The following CDYL variants were observed in gnomAD, a reference collection of about 807,000 sequenced individuals.
The protein encoded by CDYL is chromodomain Y like.
In CDYL, 8 loss-of-function variants were observed where a neutral mutation model predicts 47.3. The ratio of observed to expected loss-of-function variants is 0.17; its 90% CI spans 0.10 to 0.31. The LOEUF (loss-of-function observed/expected upper bound fraction) is 0.31, where lower values mean the gene tolerates loss of function less well. Among genes scored for constraint, CDYL ranks in the 10% least tolerant of loss-of-function variants. The pLI, the probability that CDYL is intolerant of heterozygous loss-of-function variation, is 1.00. For missense variants in CDYL, 471 were observed against 701.4 expected (o/e 0.67, Z 3.71); for synonymous variants, 266 against 265.0 (o/e 1.00, Z -0.04).
At chr6:4,905,032 G>T (rs1019169785) in intron 2 of CDYL, among the ~76,000 whole-genome samples, 4 of 152,178 alleles carry the variant, frequency 2.6e-5, no homozygotes, top group African/African-American at 9.7e-5. Context: ...GGCGACCACT[G>T]CCCCAGACGG....
chr6:4,868,047 G>T (rs1207826576), intron 1 of CDYL, among the ~76,000 whole-genome samples: 1 of 151,678 alleles, frequency 6.6e-6, no homozygotes, highest in Non-Finnish European at 1.5e-5. Flanking sequence ...CAGTTTTGTT[G>T]AACCTTTCAC....
chr6:4,891,278 G>A (rs1762033364), intron 1 of CDYL, among the ~76,000 whole-genome samples: 1 of 152,200 alleles, frequency 6.6e-6, no homozygotes, highest in Non-Finnish European at 1.5e-5. Flanking sequence ...TCACACCACA[G>A]AAGGTTCTCA....
chr6:4,802,053 C>T (rs1759241506), intron 1 of CDYL, among the ~76,000 whole-genome samples: 1 of 152,170 alleles, frequency 6.6e-6, no homozygotes, highest in African/African-American at 2.4e-5. Flanking sequence ...ATTTTGATAT[C>T]TGGCACCTTT....
chr6:4,782,610 T>A (rs1184676736), intron 1 of CDYL, among the ~76,000 whole-genome samples: 1 of 152,206 alleles, frequency 6.6e-6, no homozygotes, highest in East Asian at 1.9e-4. Flanking sequence ...ATTATGAGTC[T>A]AGATATGACT....
chr6:4,717,703 C>CAAAA (rs200835710), intron 2 of CDYL, among the ~76,000 whole-genome samples: 17 of 49,338 alleles, frequency 3.4e-4, no homozygotes, highest in African/African-American at 1.2e-3. Context: ...AAGACCCTCA[C>CAAAA]AAAAAAAAAA....
At chr6:4,711,757 CCAAG>C (rs1263301247) in intron 1 of CDYL, among the ~76,000 whole-genome samples, 2 of 152,078 alleles carry the variant, frequency 1.3e-5, no homozygotes, top group African/African-American at 4.8e-5. Flanking sequence ...GGGCAGACCA[CCAAG>C]CGAGTATAAA....
intron 1 of CDYL, among the ~76,000 whole-genome samples, chr6:4,715,499 T>C (rs577581081): frequency 6.6e-6 from 1 of 152,352 alleles, no homozygotes; most frequent in South Asian, 2.1e-4. Flanking sequence ...TTGACATATA[T>C]TGTGGTGAAG....
chr6:4,874,004 A>T (rs1761546033), intron 1 of CDYL, among the ~76,000 whole-genome samples: 1 of 152,050 alleles, frequency 6.6e-6, no homozygotes, highest in Non-Finnish European at 1.5e-5. Context: ...TACATTCCCA[A>T]ACCACAGAGT....
intron 3 of CDYL, among the ~76,000 whole-genome samples, chr6:4,746,329 AC>A (rs1180668206): frequency 6.7e-6 from 1 of 150,062 alleles, no homozygotes; most frequent in Admixed American, 6.7e-5. Flanking sequence ...GCCCCATTGC[AC>A]TTCAGCCTGG....
intron 1 of CDYL, among the ~76,000 whole-genome samples, chr6:4,845,235 T>C (rs753580933): frequency 2.0e-5 from 3 of 152,258 alleles, no homozygotes; most frequent in Non-Finnish European, 4.4e-5. Flanking sequence ...TTGAAAGTTT[T>C]GATCAAAATT....
chr6:4,814,766 G>T (rs1759623882), intron 1 of CDYL, among the ~76,000 whole-genome samples: 1 of 152,118 alleles, frequency 6.6e-6, no homozygotes, highest in African/African-American at 2.4e-5. Context: ...CAAATGATCT[G>T]CCCGCCTCAG....
intron 2 of CDYL, among the ~76,000 whole-genome samples, chr6:4,724,183 G>A (rs951371402): frequency 2.6e-5 from 4 of 152,148 alleles, no homozygotes; most frequent in African/African-American, 7.2e-5. Context: ...TGGGACCACA[G>A]GCATGTGCCA....
At chr6:4,919,298 C>T (rs2127507479) in intron 2 of CDYL, among the ~76,000 whole-genome samples, 1 of 151,596 alleles carries the variant, frequency 6.6e-6, no homozygotes, top group South Asian at 2.1e-4. Flanking sequence ...TACAGCAGTT[C>T]CAGGATATAA....
intron 2 of CDYL, among the ~76,000 whole-genome samples, chr6:4,926,185 T>G (rs769683912): frequency 2.0e-5 from 3 of 152,122 alleles, no homozygotes; most frequent in Non-Finnish European, 4.4e-5. Context: ...AGAAAAGAGG[T>G]ATTGATGTTT....
At chr6:4,707,521 C>T (rs1271111317) in intron 1 of CDYL, among the ~76,000 whole-genome samples, 1 of 152,218 alleles carries the variant, frequency 6.6e-6, no homozygotes, top group African/African-American at 2.4e-5. Flanking sequence ...ATCTGCCCTC[C>T]TCGGCCTCCC....
intron 1 of CDYL, among the ~76,000 whole-genome samples, chr6:4,708,474 G>T (rs1188096431): frequency 2.6e-5 from 4 of 151,882 alleles, no homozygotes; most frequent in African/African-American, 9.7e-5. Context: ...ATTTTTAATT[G>T]TATTTTTGCC....
chr6:4,897,916 G>A (rs1762333469), intron 2 of CDYL, among the ~76,000 whole-genome samples: 2 of 151,832 alleles, frequency 1.3e-5, no homozygotes, highest in African/African-American at 4.8e-5. Context: ...AATTAGCCAG[G>A]CGTGGTGGCA....
At chr6:4,879,702 G>C (rs1425532658) in intron 1 of CDYL, among the ~76,000 whole-genome samples, 1 of 151,790 alleles carries the variant, frequency 6.6e-6, no homozygotes, top group Non-Finnish European at 1.5e-5. Flanking sequence ...GGGATTACAG[G>C]AGCCCACCAT....
intron 1 of CDYL, among the ~76,000 whole-genome samples, chr6:4,792,995 C>T (rs1758967283): frequency 6.6e-6 from 1 of 152,130 alleles, no homozygotes; most frequent in African/African-American, 2.4e-5. Flanking sequence ...AGGGCAGTTT[C>T]TTCTGTTCAA....
Sources: allele counts gnomAD v4.1 joint callset (sites outside exome capture counted in the v4.1 genomes callset), GRCh38; gene constraint gnomAD v4.1.1; transcripts MANE v1.5; gene names NCBI Gene and HGNC (gene_info 2026-07-23, HGNC 2026-07-21).